ZFYVE26: variants seen among roughly 807,000 people sequenced by gnomAD.
The protein encoded by ZFYVE26 is zinc finger FYVE-type containing 26.
A neutral mutation model predicts 276.5 loss-of-function variants in ZFYVE26; 181 were observed. That is an observed-to-expected ratio of 0.65 (90% CI 0.58 to 0.74). The LOEUF (loss-of-function observed/expected upper bound fraction) is 0.74, where lower values mean the gene tolerates loss of function less well. Among genes scored for constraint, ZFYVE26 ranks in the 30% least tolerant of loss-of-function variants. The probability of loss-of-function intolerance (pLI) is 0.00; values close to 1 mark genes in which losing one functional copy is unlikely to be tolerated. For synonymous variants in ZFYVE26, 1,129 were observed against 1,203.1 expected (o/e 0.94, Z 1.27); for missense variants, 2,821 against 3,097.9 (o/e 0.91, Z 2.12).
chr14:67,775,236 G>A, intron 26 of ZFYVE26, 122 bp from the exon 27 acceptor site: 1 of 661,066 alleles, frequency 1.5e-6, no homozygotes, highest in Non-Finnish European at 2.5e-6. Flanking sequence ...ACTCTACTAG[G>A]TATTAAGAGA....
At chr14:67,750,908 AAG>A in intron 41 of ZFYVE26, 142 bp downstream of exon 41, 1 of 1,061,090 alleles carries the variant, frequency 9.4e-7, no homozygotes, top group Non-Finnish European at 1.4e-6. Context: ...ACCCCTATCC[AAG>A]CCTCAGCTCC....
At chr14:67,756,849 A>G (rs1207643525) in intron 35 of ZFYVE26, among the ~76,000 whole-genome samples, 1 of 152,192 alleles carries the variant, frequency 6.6e-6, no homozygotes. Flanking sequence ...AGAACTGTAC[A>G]TCCAACTTAT....
At chr14:67,795,227 T>C (rs1271653824) in intron 12 of ZFYVE26, among the ~76,000 whole-genome samples, 1 of 152,198 alleles carries the variant, frequency 6.6e-6, no homozygotes, top group Non-Finnish European at 1.5e-5. Context: ...ATGGGTCAAG[T>C]GGATGCAAAC....
intron 35 of ZFYVE26, among the ~76,000 whole-genome samples, chr14:67,758,495 A>G (rs573683388): frequency 6.5e-4 from 99 of 152,308 alleles, no homozygotes; most frequent in African/African-American, 2.2e-3. Flanking sequence ...GAAAGACTCA[A>G]TTGTAAACAA....
chr14:67,742,048 T>C (rs889848121), downstream of ZFYVE26, among the ~76,000 whole-genome samples: 9 of 152,248 alleles, frequency 5.9e-5, no homozygotes, highest in Non-Finnish European at 8.8e-5. Context: ...ACCAAGAGTA[T>C]GGCTGGAGAA....
chr14:67,763,998 T>C (rs1194316456), intron 32 of ZFYVE26, among the ~76,000 whole-genome samples: 1 of 152,188 alleles, frequency 6.6e-6, no homozygotes, highest in African/African-American at 2.4e-5. Context: ...GGTGGAAGCA[T>C]CCTGGTCCTT....
At position 67,762,221 on chromosome 14, in the gene ZFYVE26, C is replaced by T; in HGVS notation, c.6351G>A (p.Val2117=). The change falls in exon 34 of 42, where the codon GTG becomes GTA. Residue 2117 remains valine (V), a synonymous_variant. Transcript: ENST00000347230. ...QDVVEYLEST[V]RPFVSLQDDD... is the part of the protein sequence containing the mutation. ...CTCTTACCAAGGATACAAAGGGCCT[C>T]ACTGTGGACTCTAGGTACTCAACCA... 1 of 1,614,158 alleles carries T rather than the reference C, an allele frequency of 6.2e-7. No individual in the cohort carries two copies. Among genetic ancestry groups the T allele is most frequent in the Non-Finnish European group, 8.5e-7 (1 of 1,180,036 alleles).
chr14:67,790,832 A>G (rs1445348582), intron 14 of ZFYVE26, 59 bp from the exon 15 acceptor site: 1 of 1,515,666 alleles, frequency 6.6e-7, no homozygotes, highest in East Asian at 2.3e-5. Flanking sequence ...GGGAATGTCC[A>G]TGGATAGGAG....
chr14:67,735,436 G>A (rs187583482), intron 13 of ZFYVE26: 8 of 622,538 alleles, frequency 1.3e-5, no homozygotes, highest in Non-Finnish European at 2.3e-5. Context: ...GCAAGTGAAA[G>A]GCCTTGGCTC....
At chr14:67,768,882 A>C (rs892686507) in intron 29 of ZFYVE26, among the ~76,000 whole-genome samples, 2 of 152,220 alleles carry the variant, frequency 1.3e-5, no homozygotes, top group Non-Finnish European at 2.9e-5. Context: ...GGACAAACAC[A>C]ATAATGCTAT....
intron 23 of ZFYVE26, among the ~76,000 whole-genome samples, chr14:67,779,896 G>C (rs4902518): frequency 0.61 from 93,290 of 151,966 alleles, 29,576 homozygotes; most frequent in East Asian, 0.92. Context: ...TTTTGAGACA[G>C]AGTCTCGCTC....
Position 67,756,082 on chromosome 14 carries a change from G to A in ZFYVE26, c.6652C>T (p.His2218Tyr), listed in dbSNP as rs2038771225. Residue 2218 changes from histidine to tyrosine, a missense_variant, in exon 36 of 42, where the codon CAC becomes TAC. By Grantham distance (83) the His-to-Tyr change is moderately conservative. Coordinates refer to ENST00000347230, the MANE Select transcript of ZFYVE26 (RefSeq NM_015346.4). ...GATTCTAGCAAGTTCTCCAAAGTGTGTAGCTTCCCACTTTTATAGCTTGGT... is the reference window on the plus strand; with the variant it reads ...GATTCTAGCAAGTTCTCCAAAGTGTATAGCTTCCCACTTTTATAGCTTGGT... ...FQPSYKSGKL[H>Y]TLENLLESID... 1 of 1,614,102 alleles carries A rather than the reference G, an allele frequency of 6.2e-7. No homozygotes were observed. Among genetic ancestry groups the A allele is most frequent in the African/African-American group, 1.3e-5 (1 of 74,932 alleles).
chr14:67,783,607 A>G, intron 20 of ZFYVE26, 82 bp from the exon 21 acceptor site: 4 of 1,553,890 alleles, frequency 2.6e-6, no homozygotes, highest in East Asian at 2.3e-5. Context: ...TTATGCTTAC[A>G]TGAGCAAATG....
chr14:67,745,494 G>A (rs1268977369), downstream of ZFYVE26, among the ~76,000 whole-genome samples: 2 of 150,804 alleles, frequency 1.3e-5, no homozygotes, highest in Non-Finnish European at 1.5e-5. Flanking sequence ...TTTCACATGA[G>A]AAATTGGATG....
At chr14:67,734,823 C>T (rs1410580916) in intron 13 of ZFYVE26, among the ~76,000 whole-genome samples, 1 of 152,204 alleles carries the variant, frequency 6.6e-6, no homozygotes, top group African/African-American at 2.4e-5. Context: ...TGCGTTATCC[C>T]CATCTCCTTC....
Position 67,781,528 on chromosome 14 carries a change from G to A in ZFYVE26, c.4374C>T (p.Asp1458=). 1 of 1,614,010 alleles carries A rather than the reference G, an allele frequency of 6.2e-7. No homozygotes were observed. The highest frequency in any genetic ancestry group is 8.5e-7 in the Non-Finnish European group (1 of 1,180,018). The change falls in exon 22 of 42, where the codon GAC becomes GAT. Residue 1458 remains aspartate, a splice_region_variant and synonymous_variant. Transcript: ENST00000347230. ...GAAACAGGTATTGCCAACCTTCTTT[G>A]TCTATAAGACAAAAAAGATGCTCAG... ...DAVLSCAVAC[D]KEGWQYLFPV...
chr14:67,754,351 T>C, intron 37 of ZFYVE26, 139 bp from the exon 38 acceptor site: 1 of 1,191,120 alleles, frequency 8.4e-7, no homozygotes, highest in Non-Finnish European at 1.2e-6. Context: ...TCAAGTACCT[T>C]GTGAGCAGTT....
chr14:67,806,028 A>G (rs1330564048), intron 6 of ZFYVE26, among the ~76,000 whole-genome samples: 1 of 152,244 alleles, frequency 6.6e-6, no homozygotes. Context: ...TCTGTCTCAA[A>G]AACAAAAAAA....
At chr14:67,778,344 T>C (rs1156502500) in intron 23 of ZFYVE26, 96 bp from the exon 24 acceptor site, 2 of 1,511,000 alleles carry the variant, frequency 1.3e-6, no homozygotes, top group Non-Finnish European at 1.8e-6. Flanking sequence ...TGTTTATAAG[T>C]GCTGATGGGA....
Sources: gnomAD v4.1 joint callset for allele counts (sites outside exome capture counted in the v4.1 genomes callset) on GRCh38, gnomAD v4.1.1 for gene constraint, MANE v1.5 for transcripts, NCBI Gene and HGNC (gene_info 2026-07-23, HGNC 2026-07-21) for gene names.